Variants in CSMD1 observed in about 807,000 individuals in gnomAD.
CSMD1 encodes the protein CUB and sushi domain-containing protein 1.
In CSMD1, 213 loss-of-function variants were observed where a neutral mutation model predicts 417.5. The ratio of observed to expected loss-of-function variants is 0.51; its 90% CI spans 0.46 to 0.57. CSMD1 has a LOEUF of 0.57. CSMD1 is among the 20% of genes least tolerant of loss of function. The probability of loss-of-function intolerance (pLI) is 0.00; values close to 1 mark genes in which losing one functional copy is unlikely to be tolerated. For synonymous variants in CSMD1, 2,862 were observed against 1,736.8 expected (o/e 1.65, Z -16.11); for missense variants, 6,923 against 4,529.7 (o/e 1.53, Z -15.17).
intron 26 of CSMD1, among the ~76,000 whole-genome samples, chr8:3,270,995 G>C (rs1025758828): frequency 6.6e-6 from 1 of 151,572 alleles, no homozygotes; most frequent in Non-Finnish European, 1.5e-5. Flanking sequence ...AGTTACATAT[G>C]TATACATGTG....
At chr8:3,701,264 G>A (rs963249604) in intron 7 of CSMD1, among the ~76,000 whole-genome samples, 1 of 152,058 alleles carries the variant, frequency 6.6e-6, no homozygotes, top group African/African-American at 2.4e-5. Flanking sequence ...GGATCATCTC[G>A]GGACAACTTT....
At chr8:3,566,871 G>A (rs1563160490) in intron 10 of CSMD1, among the ~76,000 whole-genome samples, 1 of 152,202 alleles carries the variant, frequency 6.6e-6, no homozygotes, top group Non-Finnish European at 1.5e-5. Flanking sequence ...GCAGCGTGGT[G>A]ATTCCTGACA....
At chr8:4,444,825 A>T (rs558824454) in intron 2 of CSMD1, among the ~76,000 whole-genome samples, 3 of 152,322 alleles carry the variant, frequency 2.0e-5, no homozygotes, top group South Asian at 4.1e-4. Context: ...CCTCAGCCAC[A>T]AGCCTTCAGG....
At chr8:4,891,856 C>G (rs1459967056) in intron 1 of CSMD1, among the ~76,000 whole-genome samples, 2 of 151,984 alleles carry the variant, frequency 1.3e-5, no homozygotes, top group East Asian at 3.9e-4. Flanking sequence ...CTTGTATTAT[C>G]CATTGATTGT....
At chr8:4,760,907 T>C (rs907889456) in intron 1 of CSMD1, among the ~76,000 whole-genome samples, 10 of 152,194 alleles carry the variant, frequency 6.6e-5, no homozygotes, top group African/African-American at 1.7e-4. Context: ...GCAGAAGTTA[T>C]GGTAGCATAT....
intron 23 of CSMD1, among the ~76,000 whole-genome samples, chr8:3,327,880 T>C (rs867261107): frequency 6.6e-6 from 1 of 152,166 alleles, no homozygotes; most frequent in Non-Finnish European, 1.5e-5. Context: ...TGGTCTTCCA[T>C]GGATATTCAC....
intron 3 of CSMD1, among the ~76,000 whole-genome samples, chr8:4,418,286 A>T (rs1249905731): frequency 6.6e-6 from 1 of 152,146 alleles, no homozygotes; most frequent in African/African-American, 2.4e-5. Flanking sequence ...CATTTTCTAG[A>T]AAGTTTTTCA....
At chr8:4,994,179 C>G (rs1374850235) in intron 1 of CSMD1, among the ~76,000 whole-genome samples, 153 bp downstream of exon 1, 7 of 152,178 alleles carry the variant, frequency 4.6e-5, no homozygotes, top group South Asian at 2.1e-4. Flanking sequence ...AGCTCCCTCC[C>G]GTGCATCGCG....
At chr8:4,927,558 T>G (rs1643819116) in intron 1 of CSMD1, among the ~76,000 whole-genome samples, 1 of 152,128 alleles carries the variant, frequency 6.6e-6, no homozygotes, top group Admixed American at 6.5e-5. Flanking sequence ...ACAACTAGCA[T>G]GTAAGAGTTA....
intron 11 of CSMD1, among the ~76,000 whole-genome samples, chr8:3,487,394 G>C (rs1818108821): frequency 6.6e-6 from 1 of 151,994 alleles, no homozygotes; most frequent in Non-Finnish European, 1.5e-5. Flanking sequence ...GTAGAGACAG[G>C]GTTTCACCAT....
At chr8:4,470,452 TG>T (rs1440699654) in intron 2 of CSMD1, among the ~76,000 whole-genome samples, 1 of 152,206 alleles carries the variant, frequency 6.6e-6, no homozygotes, top group African/African-American at 2.4e-5. Flanking sequence ...GTAGACAGGT[TG>T]GGGTCATGGT....
At chr8:3,225,623 T>A (rs1798458746) in intron 27 of CSMD1, among the ~76,000 whole-genome samples, 1 of 152,212 alleles carries the variant, frequency 6.6e-6, no homozygotes, top group South Asian at 2.1e-4. Flanking sequence ...GGGCACTGGC[T>A]ACAGGGTGCT....
chr8:3,376,712 A>T (rs1810328639), intron 18 of CSMD1, among the ~76,000 whole-genome samples: 2 of 152,154 alleles, frequency 1.3e-5, no homozygotes, highest in Non-Finnish European at 2.9e-5. Flanking sequence ...AGTAATGTTA[A>T]AAACACACTG....
chr8:4,201,690 C>G lies in CSMD1; in HGVS notation c.416-169591G>C, dbSNP rs1700097. On this transcript the variant is annotated intron_variant, in intron 3 of 69. Transcript: ENST00000635120. ...TCTATAATTTACTCAAGTGTTATACCTATGTGAGAAAATGAAGAGCTAGGA... is the reference window on the plus strand; with the variant it reads ...TCTATAATTTACTCAAGTGTTATACGTATGTGAGAAAATGAAGAGCTAGGA... 2.8e-4 allele frequency among the ~76,000 whole-genome samples: 43 copies of G among 152,080 alleles called. 1 individual carries two copies. The highest frequency in any genetic ancestry group is 5.3e-4 in the Non-Finnish European group (36 of 68,038).
intron 5 of CSMD1, among the ~76,000 whole-genome samples, chr8:3,862,469 G>C (rs927886549): frequency 6.6e-6 from 1 of 152,074 alleles, no homozygotes; most frequent in Non-Finnish European, 1.5e-5. Context: ...TCAAATGTGA[G>C]CCTTTCGCCA....
intron 1 of CSMD1, among the ~76,000 whole-genome samples, chr8:4,762,491 C>G (rs1043446651): frequency 2.0e-5 from 3 of 152,062 alleles, no homozygotes; most frequent in Admixed American, 6.6e-5. Flanking sequence ...TTACAGATAT[C>G]AAATTTACAT....
At chr8:4,187,298 T>C (rs926260686) in intron 3 of CSMD1, among the ~76,000 whole-genome samples, 4 of 152,132 alleles carry the variant, frequency 2.6e-5, no homozygotes, top group African/African-American at 9.7e-5. Context: ...CTTTCAGTCA[T>C]AGGAAAGGAC....
chr8:3,923,654 C>G (rs1809439084), intron 5 of CSMD1, among the ~76,000 whole-genome samples: 1 of 152,130 alleles, frequency 6.6e-6, no homozygotes. Context: ...TAGAAATTTT[C>G]AAATATATAA....
intron 6 of CSMD1, among the ~76,000 whole-genome samples, chr8:3,724,377 A>C (rs561884892): frequency 1.1e-3 from 168 of 152,268 alleles, no homozygotes; most frequent in Non-Finnish European, 1.9e-3. Flanking sequence ...TATTTTCATA[A>C]ATATATATGT....
Sources: gnomAD v4.1 joint callset for allele counts (sites outside exome capture counted in the v4.1 genomes callset) on GRCh38, gnomAD v4.1.1 for gene constraint, MANE v1.5 for transcripts, NCBI Gene and HGNC (gene_info 2026-07-23, HGNC 2026-07-21) for gene names.